Variants in ABR observed in about 807,000 individuals in gnomAD.
ABR encodes ABR activator of RhoGEF and GTPase.
A neutral mutation model predicts 107.2 loss-of-function variants in ABR; 35 were observed. That is an observed-to-expected ratio of 0.33 (90% confidence interval 0.25 to 0.43). The LOEUF (loss-of-function observed/expected upper bound fraction) is 0.43, where lower values mean the gene tolerates loss of function less well. Among genes scored for constraint, ABR ranks in the 20% least tolerant of loss-of-function variants. The pLI is 1.00. For missense variants in ABR, 815 were observed against 1,115.2 expected (o/e 0.73, Z 3.83); for synonymous variants, 498 against 462.0 (o/e 1.08, Z -1.00).
chr17:1,179,965 T>G lies in ABR; in HGVS notation c.-238A>C. The G allele has an allele frequency of 1.4e-5, 2 of 142,530 alleles. No homozygotes were observed. Among genetic ancestry groups the G allele is most frequent in the Non-Finnish European group, 2.9e-5 (2 of 69,932 alleles). 8.8% of individuals were successfully genotyped at this position (142,530 alleles called of 1,614,324 possible). The stretch of plus-strand genomic sequence containing the variant: ...CGGCCGCGCCGAGCCCAGCTGCGGA[T>G]CCCGGAACCGATGAGCAACTTCGCG... On this transcript the variant is annotated 5_prime_UTR_variant, in exon 1 of 23. Coordinates refer to ENST00000302538, the MANE Select transcript of ABR (RefSeq NM_021962.5). The surrounding 1 kb of genome is among the most constrained non-coding windows in gnomAD (Gnocchi z 4.9).
At chr17:1,188,148 A>G (rs1162046475), upstream of ABR, among the ~76,000 whole-genome samples, 1 of 151,932 alleles carries the variant, frequency 6.6e-6, no homozygotes, top group Admixed American at 6.6e-5. Flanking sequence ...TCGAGGCTGC[A>G]GTGAACTGAG....
chr17:1,108,819 G>GGACT, intron 2 of ABR: 8 of 781,308 alleles, frequency 1.0e-5, no homozygotes, highest in South Asian at 2.1e-5. Context: ...GGGACCCTCC[G>GGACT]CCGAGGGCTT....
At chr17:1,139,711 G>A (rs1052435197) in intron 1 of ABR, among the ~76,000 whole-genome samples, 24 of 152,142 alleles carry the variant, frequency 1.6e-4, no homozygotes, top group Non-Finnish European at 2.6e-4. Context: ...AAGATTTCAC[G>A]GCAGTCAGGT....
At position 1,078,042 on chromosome 17, in the gene ABR, C is replaced by T. The variant is rs886979705; in HGVS notation, c.700+1288G>A. Among the ~76,000 whole-genome samples, 3 of 149,126 alleles carry T rather than the reference C, an allele frequency of 2.0e-5. No individual in the cohort carries two copies. Among genetic ancestry groups the T allele is most frequent in the African/African-American group, 7.4e-5 (3 of 40,302 alleles). ...ATGCACCTGTCCCGGGACTTCCCCC[C>T]AGCCCCCAGCCAGCTGCGGGAGCTG... On this transcript the variant is annotated intron_variant, in intron 6 of 22. Transcript: ENST00000302538. This position sits in a 1 kb window ranked among gnomAD's most constrained non-coding sequence, Gnocchi z 7.5.
intron 21 of ABR, among the ~76,000 whole-genome samples, chr17:1,007,862 G>A (rs2070185592): frequency 1.3e-5 from 2 of 152,242 alleles, no homozygotes; most frequent in Non-Finnish European, 2.9e-5. Flanking sequence ...AAGGTGGGTG[G>A]GGCAGGGGAG....
At chr17:1,008,006 C>T (rs977009940) in intron 21 of ABR, among the ~76,000 whole-genome samples, 2 of 152,200 alleles carry the variant, frequency 1.3e-5, no homozygotes, top group South Asian at 2.1e-4. Flanking sequence ...CCGGAAAGGT[C>T]GGCCTCGTGG....
chr17:1,220,276 G>A (rs932633771), intron 1 of ABR, among the ~76,000 whole-genome samples: 68 of 147,274 alleles, frequency 4.6e-4, no homozygotes, highest in Non-Finnish European at 3.5e-4. Context: ...GGGCGACAGA[G>A]CGAGACTCCG....
chr17:1,062,207 G>A (rs551552181), intron 10 of ABR, among the ~76,000 whole-genome samples: 3 of 151,928 alleles, frequency 2.0e-5, no homozygotes, highest in East Asian at 3.9e-4. Flanking sequence ...TACGTGAACT[G>A]AGGGCTATGC....
At position 1,022,106 on chromosome 17, in the gene ABR, C is replaced by CAA. The variant is rs759234729; in HGVS notation, c.1792-8944_1792-8943dup. ...TGGGCAACAGAGCAAGACTCTGTCTCAAAAAAAAAAAAAAAAAAACAGAAA... is the reference window on the plus strand; with the variant it reads ...TGGGCAACAGAGCAAGACTCTGTCTCAAAAAAAAAAAAAAAAAAAAACAGAAA... On this transcript the variant is annotated intron_variant, in intron 16 of 22. Transcript: ENST00000302538. 5.4e-4 allele frequency among the ~76,000 whole-genome samples: 21 copies of CAA among 39,206 alleles called. No individual in the cohort carries two copies. In the South Asian group the frequency reaches 9.5e-3, roughly 18 times the overall value. The allele number at this position is 39,206 out of a possible 152,430, so 25.7% of individuals were successfully genotyped here. A position where few individuals can be genotyped will look rare whatever the true frequency, so the allele number is the denominator to read the frequency against.
intron 1 of ABR, among the ~76,000 whole-genome samples, chr17:1,186,477 C>A (rs144723283): frequency 2.6e-5 from 4 of 152,218 alleles, no homozygotes. Flanking sequence ...GGCATCACTG[C>A]AGGATAAAGC....
intron 1 of ABR, among the ~76,000 whole-genome samples, chr17:1,139,312 C>T (rs1761639980): frequency 6.6e-6 from 1 of 152,246 alleles, no homozygotes; most frequent in Admixed American, 6.5e-5. Flanking sequence ...AGTGCAGTGG[C>T]GCCATCTCGG....
chr17:1,118,159 GT>G (rs1271452537), intron 2 of ABR, among the ~76,000 whole-genome samples: 1 of 64,976 alleles, frequency 1.5e-5, no homozygotes, highest in Non-Finnish European at 3.0e-5. Context: ...CTGAGCCTGA[GT>G]TCCTCCCAGC....
In ABR at chr17:1,006,077, G is replaced by A. The variant is rs760952801; in HGVS notation, c.*3C>T. ...CACCCGCCCGCAGCCACCCTGCCTC[G>A]GGCTACACGTCGGTGGAGAAGTACA... On this transcript the variant is annotated 3_prime_UTR_variant, in exon 23 of 23. Coordinates refer to ENST00000302538, the MANE Select transcript of ABR (RefSeq NM_021962.5). The A allele has an allele frequency of 2.1e-4, 335 of 1,562,130 alleles. 1 individual carries two copies. The highest frequency in any genetic ancestry group is 5.0e-4 in the Middle Eastern group (3 of 6,024).
chr17:1,149,776 T>C (rs556786739), intron 1 of ABR, among the ~76,000 whole-genome samples: 4 of 152,158 alleles, frequency 2.6e-5, no homozygotes, highest in African/African-American at 4.8e-5. Context: ...AGCTCGGCCA[T>C]AGGTAGGGGT....
Position 1,193,412 on chromosome 17 carries a change from G to C in ABR, c.838+35381C>G, listed in dbSNP as rs189410761. Among the ~76,000 whole-genome samples the C allele has an allele frequency of 2.9e-3, 442 of 152,212 alleles. 2 individuals are homozygous for C. Among genetic ancestry groups the C allele is most frequent in the African/African-American group, 0.01 (416 of 41,540 alleles). ...GTTAAGCACGTAACCTTCACTCTTC[G>C]CAAGCAGCCTCTCTATGTGGAAGCC... On this transcript the variant is annotated intron_variant, in intron 1 of 22. Transcript: ENST00000574139.
At chr17:1,120,103 C>T (rs887306982) in intron 2 of ABR, among the ~76,000 whole-genome samples, 4 of 152,040 alleles carry the variant, frequency 2.6e-5, no homozygotes, top group Non-Finnish European at 5.9e-5. Context: ...CCAGTTTTCG[C>T]ACCTGTAATG....
At position 1,177,007 on chromosome 17, in the gene ABR, C is replaced by T. The variant is rs143533425; in HGVS notation, c.61+2660G>A. On this transcript the variant is annotated intron_variant, in intron 1 of 22. Transcript: ENST00000302538. ...GAGGAAGGCAGGGAACCTCTAACAC[C>T]GAGTCATTCCCATCTCTAAGTCACA... is the stretch of plus-strand genomic sequence containing the variant. Among the ~76,000 whole-genome samples, 483 of 152,192 alleles carry T rather than the reference C, an allele frequency of 3.2e-3. 3 individuals carry two copies. The highest frequency in any genetic ancestry group is 0.01 in the African/African-American group (435 of 41,506).
rs1190509080 is a variant in ABR at position 1,196,302 on chromosome 17, T to A, written c.838+32491A>T. Among the ~76,000 whole-genome samples the A allele has an allele frequency of 2.0e-5, 3 of 151,650 alleles. No individual in the cohort carries two copies. In the East Asian group the frequency reaches 5.9e-4, roughly 30 times the overall value. ...AAAATTAGCTGGGCATGGTGGCACG[T>A]GCCTGTAATCCCAGCTACTCGGGAG... is the stretch of plus-strand genomic sequence containing the variant. On this transcript the variant is annotated intron_variant, in intron 1 of 22. Transcript: ENST00000574139.
rs1373182383 is a variant in ABR, at chr17:1,148,262, T to C, written c.62-22895A>G. Among the ~76,000 whole-genome samples the C allele has an allele frequency of 1.3e-5, 2 of 152,258 alleles. No individual in the cohort carries two copies. The highest frequency in any genetic ancestry group is 4.8e-5 in the African/African-American group (2 of 41,478). ...TACATAAAACGGATATTATTCGGCT[T>C]ATATTCCGACACAGGCCAATTCTGA... On this transcript the variant is annotated intron_variant, in intron 1 of 22. Coordinates refer to ENST00000302538, the MANE Select transcript of ABR (RefSeq NM_021962.5). The surrounding 1 kb of genome is among the most constrained non-coding windows in gnomAD (Gnocchi z 4.9).
Sources: gnomAD v4.1 joint callset for allele counts (sites outside exome capture counted in the v4.1 genomes callset) on GRCh38, gnomAD v4.1.1 for gene constraint, Gnocchi (gnomAD v3.1) non-coding constraint, MANE v1.5 for transcripts, NCBI Gene and HGNC (gene_info 2026-07-23, HGNC 2026-07-21) for gene names.